The following ANK3 variants were observed in gnomAD, a reference collection of about 807,000 sequenced individuals.
ANK3 encodes the protein ankyrin 3.
In ANK3, 57 loss-of-function variants were observed where a neutral mutation model predicts 370.9. That is an observed-to-expected ratio of 0.15 (90% CI 0.12 to 0.19). The LOEUF is 0.19. Ranked by LOEUF, ANK3 falls within the 10% of genes least tolerant of loss-of-function variation. The pLI, the probability that ANK3 is intolerant of heterozygous loss-of-function variation, is 1.00. For missense variants in ANK3, 4,439 were observed against 5,302.1 expected (o/e 0.84, Z 5.06); for synonymous variants, 1,929 against 1,946.3 (o/e 0.99, Z 0.23).
At chr10:60,537,405 T>C (rs2076748793) in intron 2 of ANK3, among the ~76,000 whole-genome samples, 2 of 152,018 alleles carry the variant, frequency 1.3e-5, no homozygotes, top group South Asian at 4.1e-4. Context: ...GAAAAATACT[T>C]TTAAAGTGGA....
At chr10:60,712,325 G>C (rs2079721285) in intron 1 of ANK3, among the ~76,000 whole-genome samples, 1 of 152,160 alleles carries the variant, frequency 6.6e-6, no homozygotes, top group Non-Finnish European at 1.5e-5. Context: ...TAAATCAAAT[G>C]AATGACAGCA....
At chr10:60,581,418 CTTTTTTTT>C (rs56317709) in intron 2 of ANK3, among the ~76,000 whole-genome samples, 2 of 123,480 alleles carry the variant, frequency 1.6e-5, no homozygotes, top group Admixed American at 8.6e-5. Context: ...GTATTTTGCC[CTTTTTTTT>C]TTTTTTTTTT....
intron 2 of ANK3, among the ~76,000 whole-genome samples, chr10:60,475,165 T>C (rs955180626): frequency 6.6e-6 from 1 of 152,150 alleles, no homozygotes; most frequent in Non-Finnish European, 1.5e-5. Flanking sequence ...TATGCCACTA[T>C]ATAGTAATGC....
At position 60,069,441 on chromosome 10, in the gene ANK3, G is replaced by T; in HGVS notation, c.11440C>A (p.Pro3814Thr). The T allele has an allele frequency of 6.2e-7, 1 of 1,614,010 alleles. No individual in the cohort carries two copies. ...TTATCTTTCTCTGTGGTACAAGTGGGTGCAGAATGTTCTGTCAGAACTATA... is the reference window on the plus strand; with the variant it reads ...TTATCTTTCTCTGTGGTACAAGTGGTTGCAGAATGTTCTGTCAGAACTATA... ...SNIVLTEHSA[P>T]TCTTEKDNPV... The change falls in exon 37 of 44, where the codon CCC becomes ACC. Residue 3814 changes from proline (P) to threonine (T), a missense_variant. Coordinates refer to ENST00000280772, the MANE Select transcript of ANK3 (RefSeq NM_020987.5).
chr10:60,177,009 C>T (rs774021693), intron 18 of ANK3, among the ~76,000 whole-genome samples: 3 of 152,142 alleles, frequency 2.0e-5, no homozygotes, highest in Non-Finnish European at 2.9e-5. Flanking sequence ...ATCCTCCCTA[C>T]ATTTCACCAT....
intron 8 of ANK3, among the ~76,000 whole-genome samples, chr10:60,214,432 T>G (rs986651447): frequency 6.6e-6 from 1 of 152,088 alleles, no homozygotes; most frequent in Non-Finnish European, 1.5e-5. Flanking sequence ...GTGCAGAACG[T>G]GTAGGTTTGT....
At chr10:60,572,951 C>T (rs1330279974) in intron 2 of ANK3, 2 of 991,916 alleles carry the variant, frequency 2.0e-6, no homozygotes, top group Non-Finnish European at 2.4e-6. Context: ...AAATAAGCTA[C>T]AGACTGCTGA....
intron 1 of ANK3, among the ~76,000 whole-genome samples, chr10:60,363,622 A>G (rs1310631622): frequency 1.3e-5 from 2 of 152,234 alleles, no homozygotes; most frequent in Non-Finnish European, 2.9e-5. Context: ...GATGGCCCCA[A>G]AGGGCATATG....
intron 14 of ANK3, among the ~76,000 whole-genome samples, chr10:60,198,101 G>T (rs1388993014): frequency 6.6e-6 from 1 of 152,134 alleles, no homozygotes; most frequent in East Asian, 1.9e-4. Context: ...TCTGACTCTG[G>T]ATATCAGTAA....
intron 6 of ANK3, 76 bp from the exon 7 acceptor site, chr10:60,262,033 C>A: frequency 7.7e-7 from 1 of 1,290,998 alleles, no homozygotes; most frequent in South Asian, 1.2e-5. Context: ...CATAACCCTG[C>A]CCAAATAAAA....
chr10:60,389,678 A>G lies in ANK3; in HGVS notation c.-140T>C, dbSNP rs1428146982. On this transcript the variant is annotated 5_prime_UTR_variant, in exon 1 of 44. Transcript: ENST00000280772. ...GACTAGAAGCAGGAAGATATTCACA[A>G]TGCAAAGATGCTGGAGAAGCTGAAG... 4 of 1,461,498 alleles carry G rather than the reference A, an allele frequency of 2.7e-6. No individual in the cohort carries two copies. Among genetic ancestry groups the G allele is most frequent in the African/African-American group, 1.4e-5 (1 of 70,222 alleles). The allele number at this position is 1,461,498 out of a possible 1,614,324, so 90.5% of individuals were successfully genotyped here.
intron 2 of ANK3, chr10:60,508,068 G>T (rs1016641694): frequency 2.0e-5 from 3 of 152,092 alleles, no homozygotes; most frequent in African/African-American, 7.2e-5. Flanking sequence ...TATTAATTTA[G>T]AATGTTTTAC....
chr10:60,140,950 A>T, intron 23 of ANK3: 1 of 985,636 alleles, frequency 1.0e-6, no homozygotes. Flanking sequence ...TTAGAAGAAA[A>T]CAAAGCAGTG....
intron 43 of ANK3, among the ~76,000 whole-genome samples, chr10:60,038,818 G>A (rs564574779): frequency 6.6e-6 from 1 of 152,122 alleles, no homozygotes; most frequent in African/African-American, 2.4e-5. Context: ...ATCATGCACT[G>A]ATCTATCATT....
chr10:60,036,647 A>C (rs906883939), intron 43 of ANK3, among the ~76,000 whole-genome samples: 1 of 151,918 alleles, frequency 6.6e-6, no homozygotes, highest in African/African-American at 2.4e-5. Flanking sequence ...CGTGTTAGCC[A>C]GGATGGTCTA....
intron 1 of ANK3, among the ~76,000 whole-genome samples, chr10:60,293,934 C>T (rs34397303): frequency 0.1 from 15,955 of 152,124 alleles, 1,064 homozygotes; most frequent in Non-Finnish European, 0.15. Flanking sequence ...CAACTGTTTG[C>T]GATTTTTCCA....
At chr10:60,374,880 G>T (rs138318705) in intron 1 of ANK3, among the ~76,000 whole-genome samples, 114 of 152,172 alleles carry the variant, frequency 7.5e-4, no homozygotes, top group African/African-American at 2.5e-3. Context: ...TATTGAAGTG[G>T]ACATATGTTC....
intron 2 of ANK3, among the ~76,000 whole-genome samples, chr10:60,567,646 C>T (rs1181246183): frequency 6.6e-6 from 1 of 152,136 alleles, no homozygotes; most frequent in Non-Finnish European, 1.5e-5. Context: ...AATGCATTTT[C>T]TAAGGCTATA....
At chr10:60,495,345 T>C (rs1470059188) in intron 2 of ANK3, among the ~76,000 whole-genome samples, 1 of 152,182 alleles carries the variant, frequency 6.6e-6, no homozygotes, top group Admixed American at 6.5e-5. Flanking sequence ...GGTAAGATAT[T>C]GAAAATCAGA....
Sources: gnomAD v4.1 joint callset for allele counts (sites outside exome capture counted in the v4.1 genomes callset) on GRCh38, gnomAD v4.1.1 for gene constraint, MANE v1.5 for transcripts, NCBI Gene and HGNC (gene_info 2026-07-23, HGNC 2026-07-21) for gene names.